XKR4: variants seen among roughly 807,000 people sequenced by gnomAD.
The protein encoded by XKR4 is XK-related protein 4.
A neutral mutation model predicts 53.9 loss-of-function variants in XKR4; 12 were observed. That is an observed-to-expected ratio of 0.22 (90% confidence interval 0.14 to 0.36). The LOEUF is 0.36. Ranked by LOEUF, XKR4 falls within the 10% of genes least tolerant of loss-of-function variation. The pLI is 1.00. For synonymous variants in XKR4, 354 were observed against 362.4 expected (o/e 0.98, Z 0.26); for missense variants, 799 against 859.5 (o/e 0.93, Z 0.88).
chr8:55,247,855 C>CTTTCTTTCTTTCTTTCTT lies in XKR4; in HGVS notation c.807-109820_807-109819insCTTTCTTTCTTTCTTTTT, dbSNP rs369983175. ...TTTCTTTTTCTTTCTTTCTTTCTTTCTTTTTTTTTTTTTTTTTTTGAGACA... is the reference window on the plus strand; with the variant it reads ...TTTCTTTTTCTTTCTTTCTTTCTTTCTTTCTTTCTTTCTTTCTTTTTTTTTTTTTTTTTTTTTGAGACA... On this transcript the variant is annotated intron_variant, in intron 1 of 2. Transcript: ENST00000327381. Among the ~76,000 whole-genome samples the CTTTCTTTCTTTCTTTCTT allele has an allele frequency of 1.8e-3, 106 of 59,762 alleles. 1 individual carries two copies. The Middle Eastern group carries it at 0.027, about 15-fold the overall frequency. 39.2% of individuals were successfully genotyped at this position (59,762 alleles called of 152,430 possible). A position where few individuals can be genotyped will look rare whatever the true frequency, so the allele number is the denominator to read the frequency against.
At chr8:55,359,171 C>T (rs927960242) in intron 2 of XKR4, among the ~76,000 whole-genome samples, 5 of 152,162 alleles carry the variant, frequency 3.3e-5, no homozygotes, top group Non-Finnish European at 7.4e-5. Context: ...GAGAAAAGCA[C>T]GGAGAAGGCA....
intron 2 of XKR4, among the ~76,000 whole-genome samples, chr8:55,448,577 A>G (rs1360092275): frequency 6.6e-6 from 1 of 152,200 alleles, no homozygotes; most frequent in Admixed American, 6.5e-5. Context: ...GAGTTTGCTA[A>G]CTAGCACATT....
intron 1 of XKR4, among the ~76,000 whole-genome samples, chr8:55,318,157 G>A (rs958179396): frequency 2.0e-5 from 3 of 152,096 alleles, no homozygotes; most frequent in Admixed American, 6.6e-5. Context: ...AGACAGGCAG[G>A]ATGATCATTT....
intron 1 of XKR4, among the ~76,000 whole-genome samples, chr8:55,328,731 T>C (rs1315376031): frequency 6.6e-6 from 1 of 152,170 alleles, no homozygotes; most frequent in African/African-American, 2.4e-5. Context: ...TGTGCCTCAC[T>C]CAACCCAGAT....
At chr8:55,385,607 G>A (rs1435305261) in intron 2 of XKR4, among the ~76,000 whole-genome samples, 1 of 152,162 alleles carries the variant, frequency 6.6e-6, no homozygotes, top group African/African-American at 2.4e-5. Flanking sequence ...GCTCAGCAAA[G>A]TAACATCATG....
chr8:55,194,213 AGT>A (rs1242096457), intron 1 of XKR4, among the ~76,000 whole-genome samples: 2 of 152,208 alleles, frequency 1.3e-5, no homozygotes, highest in Non-Finnish European at 2.9e-5. Context: ...GCAAATTGAG[AGT>A]GTGGCGCTGC....
intron 1 of XKR4, among the ~76,000 whole-genome samples, chr8:55,238,669 G>T (rs1818167566): frequency 6.6e-6 from 1 of 152,120 alleles, no homozygotes. Flanking sequence ...ACAGGAGCCA[G>T]CCACCAACTG....
chr8:55,221,404 C>T (rs1316277830), intron 1 of XKR4, among the ~76,000 whole-genome samples: 2 of 152,146 alleles, frequency 1.3e-5, no homozygotes, highest in East Asian at 3.9e-4. Flanking sequence ...GCTGTAAGGT[C>T]CCCACAGGCT....
chr8:55,511,682 A>G (rs947720916), intron 2 of XKR4, among the ~76,000 whole-genome samples: 4 of 152,176 alleles, frequency 2.6e-5, no homozygotes, highest in Admixed American at 6.5e-5. Flanking sequence ...AGTGGACTCT[A>G]TTGCATAGGC....
Position 55,540,413 on chromosome 8 carries a change from A to G in XKR4, c.*16186A>G, listed in dbSNP as rs1300489906. On this transcript the variant is annotated 3_prime_UTR_variant, in exon 3 of 3. Transcript: ENST00000327381. ...TCCTTTTATATCTAGATGGTATCAA[A>G]TAAGAAAAAAATGCATCATTTGGTC... 1.3e-5 allele frequency: 2 copies of G among 152,218 alleles called. No homozygotes were observed. The allele number at this position is 152,218 out of a possible 1,614,324, so 9.4% of individuals were successfully genotyped here.
chr8:55,431,587 G>A (rs751226043), intron 2 of XKR4, among the ~76,000 whole-genome samples: 6 of 152,084 alleles, frequency 3.9e-5, no homozygotes, highest in East Asian at 1.9e-4. Context: ...TTATGTTATC[G>A]CAGCCGATTC....
chr8:55,103,331 C>T (rs1180322065), intron 1 of XKR4, 37 bp downstream of exon 1: 3 of 1,555,604 alleles, frequency 1.9e-6, no homozygotes, highest in Non-Finnish European at 2.6e-6. Context: ...AGGCTTGCTG[C>T]TGCTACTACA....
chr8:55,125,395 C>T (rs529654605), intron 1 of XKR4, among the ~76,000 whole-genome samples: 9 of 152,184 alleles, frequency 5.9e-5, no homozygotes, highest in South Asian at 2.1e-4. Context: ...TCACCACACC[C>T]GGCTAATTTT....
intron 1 of XKR4, chr8:55,142,035 T>C (rs1488624630): frequency 4.4e-6 from 2 of 454,364 alleles, no homozygotes; most frequent in Non-Finnish European, 8.9e-6. Context: ...AGGGCTGAAC[T>C]CAGAGCCCTG....
rs975082231 is a variant in XKR4, at chr8:55,451,920, G to T, written c.1007-71361G>T. ...CCGACACTGAGATCTCCTCCTCCTGGTCCTCAGAGGGCGGCTGGCTCCAGT... is the reference window on the plus strand; with the variant it reads ...CCGACACTGAGATCTCCTCCTCCTGTTCCTCAGAGGGCGGCTGGCTCCAGT... On this transcript the variant is annotated intron_variant, in intron 2 of 2. Coordinates refer to ENST00000327381, the MANE Select transcript of XKR4 (RefSeq NM_052898.2). 1.1e-5 allele frequency: 9 copies of T among 794,328 alleles called. No homozygotes were observed. The African/African-American group carries it at 1.2e-4, about 10-fold the overall frequency. The allele number at this position is 794,328 out of a possible 1,614,324, so 49.2% of individuals were successfully genotyped here. A position where few individuals can be genotyped will look rare whatever the true frequency, so the allele number is the denominator to read the frequency against.
At chr8:55,339,040 A>G (rs929496796) in intron 1 of XKR4, among the ~76,000 whole-genome samples, 6 of 152,208 alleles carry the variant, frequency 3.9e-5, no homozygotes, top group African/African-American at 1.4e-4. Flanking sequence ...ATAGTATATC[A>G]AGTTCAACTG....
At chr8:55,176,540 C>T (rs1817238255) in intron 1 of XKR4, among the ~76,000 whole-genome samples, 1 of 152,148 alleles carries the variant, frequency 6.6e-6, no homozygotes, top group African/African-American at 2.4e-5. Context: ...AATAAAGTCG[C>T]TCTTTCTAAA....
intron 2 of XKR4, among the ~76,000 whole-genome samples, chr8:55,495,285 C>A (rs1585605468): frequency 6.6e-6 from 1 of 152,190 alleles, no homozygotes; most frequent in African/African-American, 2.4e-5. Context: ...GTAGCGAGGG[C>A]CTTCCTGGAC....
Position 55,249,236 on chromosome 8 carries a change from A to G in XKR4, c.807-108442A>G, listed in dbSNP as rs540228710. 2.0e-5 allele frequency among the ~76,000 whole-genome samples: 3 copies of G among 152,312 alleles called. No homozygotes were observed. The South Asian group carries it at 6.2e-4, about 32-fold the overall frequency. On this transcript the variant is annotated intron_variant, in intron 1 of 2. Coordinates refer to ENST00000327381, the MANE Select transcript of XKR4 (RefSeq NM_052898.2). ...ATATAAACAGTACTCATGAAGAGCT[A>G]AAACCTGAAATTGGGAAGTCACTGG...
Sources: allele counts gnomAD v4.1 joint callset (sites outside exome capture counted in the v4.1 genomes callset), GRCh38; gene constraint gnomAD v4.1.1; transcripts MANE v1.5; gene names NCBI Gene and HGNC (gene_info 2026-07-23, HGNC 2026-07-21).